KMT2C: variants seen among roughly 807,000 people sequenced by gnomAD.
KMT2C encodes histone-lysine N-methyltransferase 2C.
Under a neutral mutation model 507.9 loss-of-function variants are expected in KMT2C, and 88 were observed. The observed-to-expected ratio is 0.17, with a 90% CI of 0.15 to 0.21. The LOEUF is 0.21. KMT2C is among the 10% of genes least tolerant of loss of function. KMT2C has a pLI of 1.00. For synonymous variants in KMT2C, 2,049 were observed against 2,080.8 expected (o/e 0.98, Z 0.42); for missense variants, 4,954 against 5,957.8 (o/e 0.83, Z 5.55).
At chr7:152,169,674 A>G (rs761941003) in intron 40 of KMT2C, among the ~76,000 whole-genome samples, 3 of 152,200 alleles carry the variant, frequency 2.0e-5, no homozygotes, top group Non-Finnish European at 2.9e-5. Context: ...TATAACAAAA[A>G]CTAATGTCTC....
intron 1 of KMT2C, among the ~76,000 whole-genome samples, chr7:152,365,283 G>A (rs1378363942): frequency 1.3e-5 from 2 of 152,230 alleles, no homozygotes; most frequent in African/African-American, 4.8e-5. Flanking sequence ...AGCCGAGGCA[G>A]GCGGATCACC....
In KMT2C at chr7:152,148,915, C is replaced by T. The variant is rs2129095602; in HGVS notation, c.13012G>A (p.Val4338Ile). ...TVKLKPRLRA[V>I]HGGFEDCRPL... is the part of the protein sequence containing the mutation. Reference sequence around the variant, plus strand: ...CTGCAATCTTCAAACCCACCATGGACAGCTCTTAGCCGAGGCTTCAGCTTG... The same window carrying T: ...CTGCAATCTTCAAACCCACCATGGATAGCTCTTAGCCGAGGCTTCAGCTTG... Residue 4338 changes from valine (V) to isoleucine (I), a missense_variant, in exon 52 of 59, where the codon GTC (valine) becomes ATC (isoleucine). Around this residue, in one of 29 missense-constraint regions of KMT2C, gnomAD observed 417 missense variants for 461.1 expected, o/e 0.90. Transcript: ENST00000262189. This position sits in a 1 kb window ranked among gnomAD's most constrained non-coding sequence, Gnocchi z 7.1. 6.2e-7 allele frequency: 1 copy of T among 1,613,580 alleles called. No homozygotes were observed. Among genetic ancestry groups the T allele is most frequent in the Non-Finnish European group, 8.5e-7 (1 of 1,179,740 alleles).
intron 50 of KMT2C, 23 bp from the exon 51 acceptor site, chr7:152,151,030 T>C: frequency 7.0e-7 from 1 of 1,436,316 alleles, no homozygotes. Flanking sequence ...GAGAAATGTG[T>C]GGGAATCTCA....
At chr7:152,217,059 G>T (rs2094602569) in intron 23 of KMT2C, among the ~76,000 whole-genome samples, 1 of 152,100 alleles carries the variant, frequency 6.6e-6, no homozygotes, top group Admixed American at 6.5e-5. Context: ...CCCAGAGTAG[G>T]TTTCATCATT....
intron 18 of KMT2C, among the ~76,000 whole-genome samples, chr7:152,227,308 GT>G (rs2094962717): frequency 6.6e-6 from 1 of 152,168 alleles, no homozygotes; most frequent in Admixed American, 6.5e-5. Context: ...AGTTTTAAAA[GT>G]TTTTTCAAAT....
Position 152,355,970 on chromosome 7 carries a change from G to A in KMT2C, c.250+2617C>T, listed in dbSNP as rs544607652. Among the ~76,000 whole-genome samples, 93 of 152,114 alleles carry A rather than the reference G, an allele frequency of 6.1e-4. 1 individual carries two copies. The highest frequency in any genetic ancestry group is 1.0e-3 in the Non-Finnish European group (70 of 68,016). On this transcript the variant is annotated intron_variant, in intron 2 of 58. Transcript: ENST00000262189. ...TCAATGAGATGGAAAAGTTATTGAT[G>A]CAGAAAAGCAAGGACAACTGCAGAA... is the stretch of plus-strand genomic sequence containing the variant.
chr7:152,260,242 T>C (rs2095746298), intron 9 of KMT2C, among the ~76,000 whole-genome samples: 1 of 152,134 alleles, frequency 6.6e-6, no homozygotes, highest in African/African-American at 2.4e-5. Flanking sequence ...CCAATAGTAT[T>C]CCCAGAAATT....
intron 6 of KMT2C, among the ~76,000 whole-genome samples, chr7:152,278,697 C>T (rs1199791421): frequency 6.6e-6 from 1 of 152,078 alleles, no homozygotes; most frequent in Non-Finnish European, 1.5e-5. Context: ...GCAATAATTG[C>T]AAAGAAATAG....
chr7:152,307,799 T>C (rs929420961), intron 6 of KMT2C, among the ~76,000 whole-genome samples: 10 of 152,322 alleles, frequency 6.6e-5, no homozygotes, highest in Non-Finnish European at 8.8e-5. Context: ...AGGAAATACA[T>C]GGACACATAC....
chr7:152,196,353 T>C (rs1398795269), intron 27 of KMT2C, among the ~76,000 whole-genome samples: 3 of 152,162 alleles, frequency 2.0e-5, no homozygotes, highest in Admixed American at 6.5e-5. Flanking sequence ...AAAAGTGACA[T>C]TGAGAAATTA....
At chr7:152,235,207 G>GTATATATA (rs71533554) in intron 16 of KMT2C, among the ~76,000 whole-genome samples, 56 of 142,422 alleles carry the variant, frequency 3.9e-4, no homozygotes, top group South Asian at 1.6e-3. Context: ...TTTCAAGGGT[G>GTATATATA]TATATATATA....
At chr7:152,374,884 C>CAAAA (rs71198779) in intron 1 of KMT2C, among the ~76,000 whole-genome samples, 15 of 77,638 alleles carry the variant, frequency 1.9e-4, no homozygotes, top group African/African-American at 4.9e-4. Context: ...CTCTGTCTCT[C>CAAAA]AAAAAAAAAA....
chr7:152,159,646 C>T (rs1264505267), intron 43 of KMT2C, among the ~76,000 whole-genome samples: 1 of 152,162 alleles, frequency 6.6e-6, no homozygotes, highest in Non-Finnish European at 1.5e-5. Flanking sequence ...AAAATAATGG[C>T]CACATACTTA....
intron 23 of KMT2C, among the ~76,000 whole-genome samples, chr7:152,209,850 C>T (rs1376425259): frequency 2.0e-5 from 3 of 151,838 alleles, no homozygotes; most frequent in African/African-American, 4.8e-5. Context: ...GTTTATAACA[C>T]TCCTCAGAAG....
intron 1 of KMT2C, among the ~76,000 whole-genome samples, chr7:152,381,761 C>T (rs2097376177): frequency 6.6e-6 from 1 of 152,094 alleles, no homozygotes; most frequent in Non-Finnish European, 1.5e-5. Flanking sequence ...TGACTGTTAT[C>T]AAAAACTGTG....
chr7:152,254,828 A>T (rs1345248504), intron 9 of KMT2C, among the ~76,000 whole-genome samples: 1 of 152,242 alleles, frequency 6.6e-6, no homozygotes, highest in East Asian at 1.9e-4. Context: ...TTGTTCAAAA[A>T]TTCAATAAAA....
At chr7:152,423,772 G>A (rs2097793533) in intron 1 of KMT2C, among the ~76,000 whole-genome samples, 1 of 152,134 alleles carries the variant, frequency 6.6e-6, no homozygotes, top group African/African-American at 2.4e-5. Context: ...GTTAAGAATT[G>A]GCCCAGAAAT....
intron 41 of KMT2C, among the ~76,000 whole-genome samples, chr7:152,168,194 T>C (rs1324988886): frequency 6.6e-6 from 1 of 152,112 alleles, no homozygotes; most frequent in Non-Finnish European, 1.5e-5. Context: ...AATATACCTT[T>C]TTGACTCACT....
chr7:152,251,060 T>A, intron 11 of KMT2C, 94 bp from the exon 12 acceptor site: 4 of 674,212 alleles, frequency 5.9e-6, no homozygotes, highest in Non-Finnish European at 1.0e-5. Context: ...TAAGGGCAAA[T>A]CATCACCAAA....
Sources: allele counts gnomAD v4.1 joint callset (sites outside exome capture counted in the v4.1 genomes callset), GRCh38; gene constraint gnomAD v4.1.1; regional missense constraint gnomAD v4.1.1; non-coding constraint Gnocchi (gnomAD v3.1); transcripts MANE v1.5; gene names NCBI Gene and HGNC (gene_info 2026-07-23, HGNC 2026-07-21).